The following PTPRR variants were observed in gnomAD, a reference collection of about 807,000 sequenced individuals.
The protein encoded by PTPRR is receptor-type tyrosine-protein phosphatase R.
A neutral mutation model predicts 77.2 loss-of-function variants in PTPRR; 38 were observed. That is an observed-to-expected ratio of 0.49 (90% CI 0.38 to 0.65). The LOEUF (loss-of-function observed/expected upper bound fraction) is 0.65, where lower values mean the gene tolerates loss of function less well. Ranked by LOEUF, PTPRR falls within the 30% of genes least tolerant of loss-of-function variation. The probability of loss-of-function intolerance (pLI) is 0.00; values close to 1 mark genes in which losing one functional copy is unlikely to be tolerated. For missense variants in PTPRR, 744 were observed against 799.2 expected, an observed-to-expected ratio of 0.93 and a Z score of 0.83; for synonymous variants, 299 against 283.1, an observed-to-expected ratio of 1.06 and a Z score of -0.57.
intron 2 of PTPRR, among the ~76,000 whole-genome samples, chr12:70,868,596 A>T (rs1892902377): frequency 6.6e-6 from 1 of 152,120 alleles, no homozygotes; most frequent in African/African-American, 2.4e-5. Context: ...GTGGGACTGT[A>T]AACTAGTTCA....
At chr12:70,778,032 T>C (rs530459610) in intron 2 of PTPRR, among the ~76,000 whole-genome samples, 1 of 152,348 alleles carries the variant, frequency 6.6e-6, no homozygotes, top group Admixed American at 6.5e-5. Flanking sequence ...TTGAATTCTA[T>C]ATTTTGATTT....
intron 1 of PTPRR, among the ~76,000 whole-genome samples, chr12:70,895,178 A>G (rs1358286124): frequency 6.6e-6 from 1 of 151,760 alleles, no homozygotes; most frequent in Admixed American, 6.6e-5. Context: ...TGTAAAAACT[A>G]GCAATTCCTC....
chr12:70,867,657 G>A lies in PTPRR; in HGVS notation c.357+25022C>T, dbSNP rs933739177. Among the ~76,000 whole-genome samples, 456 of 152,048 alleles carry A rather than the reference G, an allele frequency of 3.0e-3. 4 individuals are homozygous for A. Among genetic ancestry groups the A allele is most frequent in the African/African-American group, 0.011 (439 of 41,468 alleles). On this transcript the variant is annotated intron_variant, in intron 2 of 13. Coordinates refer to ENST00000283228, the MANE Select transcript of PTPRR (RefSeq NM_002849.4). Reference sequence around the variant, plus strand: ...ATGCCATCCCCATCAAGCTACCAATGACTTTCTTCACAGAATTGGAAAAAA... The same window carrying A: ...ATGCCATCCCCATCAAGCTACCAATAACTTTCTTCACAGAATTGGAAAAAA...
At chr12:70,861,912 C>T (rs1326256000) in intron 2 of PTPRR, among the ~76,000 whole-genome samples, 2 of 152,064 alleles carry the variant, frequency 1.3e-5, no homozygotes, top group Non-Finnish European at 2.9e-5. Flanking sequence ...AACTTGAGTT[C>T]AGAAATGGAG....
At position 70,911,764 on chromosome 12, in the gene PTPRR, A is replaced by AAC. The variant is rs1161304972; in HGVS notation, c.58+8568_58+8569insGT. On this transcript the variant is annotated intron_variant, in intron 1 of 13. Transcript: ENST00000283228. ...AAGGCTCAACTGAAAAAAAAAAAAAAAAACCACTCAGAATCCAGAATGTAT... is the reference window on the plus strand; with the variant it reads ...AAGGCTCAACTGAAAAAAAAAAAAAAACAAACCACTCAGAATCCAGAATGTAT... Among the ~76,000 whole-genome samples the AAC allele has an allele frequency of 3.2e-4, 48 of 151,900 alleles. 1 individual carries two copies. Among genetic ancestry groups the AAC allele is most frequent in the Non-Finnish European group, 5.7e-4 (39 of 67,956 alleles).
intron 10 of PTPRR, among the ~76,000 whole-genome samples, chr12:70,681,651 A>G (rs1252624245): frequency 6.6e-6 from 1 of 152,084 alleles, no homozygotes; most frequent in Non-Finnish European, 1.5e-5. Context: ...TGCTCCCTCA[A>G]ACACTCCAGT....
intron 6 of PTPRR, among the ~76,000 whole-genome samples, chr12:70,734,238 C>T (rs957352389): frequency 7.9e-5 from 12 of 152,128 alleles, no homozygotes; most frequent in African/African-American, 2.9e-4. Flanking sequence ...AAAAGCACTG[C>T]ATTTAGTACC....
At chr12:70,907,120 G>T (rs1893634577) in intron 1 of PTPRR, 1 of 152,138 alleles carries the variant, frequency 6.6e-6, no homozygotes, top group Non-Finnish European at 1.5e-5. Flanking sequence ...ATTCTACCAG[G>T]AAGTGTTGTG....
At chr12:70,647,736 TAC>T in intron 13 of PTPRR, among the ~76,000 whole-genome samples, 1 of 152,236 alleles carries the variant, frequency 6.6e-6, no homozygotes, top group Non-Finnish European at 1.5e-5. Flanking sequence ...TTCAGTTTAG[TAC>T]TAATGTTATG....
chr12:70,694,698 G>A (rs964592565), intron 8 of PTPRR, among the ~76,000 whole-genome samples: 1 of 151,984 alleles, frequency 6.6e-6, no homozygotes, highest in Non-Finnish European at 1.5e-5. Context: ...CTTCCTATTG[G>A]GTACTATGTT....
At chr12:70,821,213 C>CCTTTTTTTTTTTTTTTTTTT (rs1892002811) in intron 2 of PTPRR, among the ~76,000 whole-genome samples, 1 of 31,972 alleles carries the variant, frequency 3.1e-5, no homozygotes, top group Non-Finnish European at 6.1e-5. Flanking sequence ...GGGATCACTG[C>CCTTTTTTTTTTTTTTTTTTT]TTTTTTTTTT....
intron 8 of PTPRR, among the ~76,000 whole-genome samples, chr12:70,695,223 T>C (rs1476861013): frequency 6.6e-6 from 1 of 152,222 alleles, no homozygotes; most frequent in Non-Finnish European, 1.5e-5. Flanking sequence ...GAGTTTAGTG[T>C]AGGTTAAAAC....
intron 1 of PTPRR, among the ~76,000 whole-genome samples, chr12:70,899,226 C>G (rs1269368680): frequency 2.0e-5 from 3 of 150,726 alleles, no homozygotes; most frequent in Non-Finnish European, 3.0e-5. Context: ...CTGATGAAGC[C>G]AAAATTACCC....
intron 1 of PTPRR, among the ~76,000 whole-genome samples, chr12:70,893,629 T>C (rs1438447962): frequency 6.6e-6 from 1 of 151,930 alleles, no homozygotes; most frequent in African/African-American, 2.4e-5. Context: ...GCTATTGGAA[T>C]GTGAGTAAAC....
chr12:70,652,307 T>G (rs4347432), intron 13 of PTPRR, among the ~76,000 whole-genome samples: 151,982 of 152,276 alleles, frequency 1, 75,846 homozygotes, highest in East Asian at 1. Context: ...AAGAATAATG[T>G]GGGAGAAAAA....
chr12:70,879,441 T>G (rs958625343), intron 2 of PTPRR, among the ~76,000 whole-genome samples: 1 of 151,892 alleles, frequency 6.6e-6, no homozygotes, highest in Non-Finnish European at 1.5e-5. Context: ...GTTCATTGAT[T>G]TTTCCCACGA....
At chr12:70,677,898 A>G (rs1327629941) in intron 10 of PTPRR, among the ~76,000 whole-genome samples, 1 of 152,172 alleles carries the variant, frequency 6.6e-6, no homozygotes, top group Non-Finnish European at 1.5e-5. Flanking sequence ...TTTGGGTGCT[A>G]GGGTAATGCT....
Position 70,764,646 on chromosome 12 carries a change from C to T in PTPRR, c.471+19G>A, listed in dbSNP as rs376778832. 1.6e-4 allele frequency: 257 copies of T among 1,585,472 alleles called. No homozygotes were observed. The highest frequency in any genetic ancestry group is 1.1e-3 in the East Asian group (47 of 44,734). ...ACACACGGCTTGAATTTTGGAAATG[C>T]GAAATGTGGGTATCTTACAATGAGG... On this transcript the variant is annotated intron_variant, in intron 3 of 13. Coordinates refer to ENST00000283228, the MANE Select transcript of PTPRR (RefSeq NM_002849.4).
chr12:70,761,691 C>T, intron 3 of PTPRR, 65 bp from the exon 4 acceptor site: 1 of 1,283,168 alleles, frequency 7.8e-7, no homozygotes. Context: ...AATATTTTTA[C>T]CTGTCCTTTA....
Sources: gnomAD v4.1 joint callset for allele counts (sites outside exome capture counted in the v4.1 genomes callset) on GRCh38, gnomAD v4.1.1 for gene constraint, MANE v1.5 for transcripts, NCBI Gene and HGNC (gene_info 2026-07-23, HGNC 2026-07-21) for gene names.